Variants in WDR70 observed in about 807,000 individuals in gnomAD.
WDR70 encodes the protein WD repeat domain 70, also known as WD repeat-containing protein 70.
In WDR70, 53 loss-of-function variants were observed where a neutral mutation model predicts 88.6. The ratio of observed to expected loss-of-function variants is 0.60; its 90% CI spans 0.48 to 0.75. The LOEUF is 0.75. Ranked by LOEUF, WDR70 falls within the 30% of genes least tolerant of loss-of-function variation. The pLI is 0.00. For synonymous variants in WDR70, 280 were observed against 270.0 expected, an observed-to-expected ratio of 1.04 and a Z score of -0.36; for missense variants, 610 against 823.2, an observed-to-expected ratio of 0.74 and a Z score of 3.17.
chr5:37,523,701 G>A (rs1741169975), intron 9 of WDR70, among the ~76,000 whole-genome samples: 1 of 152,138 alleles, frequency 6.6e-6, no homozygotes, highest in Non-Finnish European at 1.5e-5. Context: ...GAGGAAGTTC[G>A]AACTCACCGC....
chr5:37,566,911 A>G (rs948684843), intron 9 of WDR70, among the ~76,000 whole-genome samples: 6 of 152,170 alleles, frequency 3.9e-5, no homozygotes, highest in Non-Finnish European at 8.8e-5. Flanking sequence ...TCATCCTAAG[A>G]GTGTTATTAG....
At chr5:37,727,402 G>A (rs113380111) in intron 17 of WDR70, among the ~76,000 whole-genome samples, 5 of 152,236 alleles carry the variant, frequency 3.3e-5, no homozygotes, top group African/African-American at 1.2e-4. Flanking sequence ...CTGTTATTAT[G>A]AACTCACTTT....
intron 17 of WDR70, among the ~76,000 whole-genome samples, chr5:37,737,601 AG>A (rs753819072): frequency 3.3e-5 from 5 of 152,158 alleles, no homozygotes; most frequent in African/African-American, 4.8e-5. Context: ...ACCAATGCCA[AG>A]CTTTCGTGCA....
chr5:37,544,445 G>T (rs1372341417), intron 9 of WDR70, among the ~76,000 whole-genome samples: 1 of 152,176 alleles, frequency 6.6e-6, no homozygotes, highest in Non-Finnish European at 1.5e-5. Flanking sequence ...AATGAAGATT[G>T]TCACTAGTAA....
intron 13 of WDR70, among the ~76,000 whole-genome samples, chr5:37,708,873 C>T (rs2112673476): frequency 6.6e-6 from 1 of 152,292 alleles, no homozygotes; most frequent in Non-Finnish European, 1.5e-5. Flanking sequence ...ATTAATGATA[C>T]TATGCCTGTG....
chr5:37,452,808 A>C (rs1738715396), intron 7 of WDR70, among the ~76,000 whole-genome samples: 2 of 152,234 alleles, frequency 1.3e-5, no homozygotes, highest in South Asian at 4.1e-4. Context: ...CTGAGATCCA[A>C]GAGGCAGCAT....
intron 9 of WDR70, among the ~76,000 whole-genome samples, chr5:37,555,308 T>G (rs537225765): frequency 6.6e-6 from 1 of 152,330 alleles, no homozygotes; most frequent in East Asian, 1.9e-4. Flanking sequence ...ATGAATTCTA[T>G]CTTATCCCCA....
intron 3 of WDR70, among the ~76,000 whole-genome samples, chr5:37,382,718 A>G (rs1748469016): frequency 6.6e-6 from 1 of 152,048 alleles, no homozygotes; most frequent in South Asian, 2.1e-4. Flanking sequence ...TTATCATTTT[A>G]AGACCAACAA....
intron 10 of WDR70, among the ~76,000 whole-genome samples, chr5:37,685,944 G>C (rs559847847): frequency 1.1e-3 from 164 of 152,170 alleles, no homozygotes; most frequent in Non-Finnish European, 1.7e-3. Context: ...CTGTCTACTC[G>C]CAGTGTCTTC....
chr5:37,720,488 A>C (rs4582305), intron 13 of WDR70, among the ~76,000 whole-genome samples: 1 of 152,078 alleles, frequency 6.6e-6, no homozygotes, highest in African/African-American at 2.4e-5. Flanking sequence ...TAATGAATTC[A>C]TAGGATCATA....
intron 17 of WDR70, among the ~76,000 whole-genome samples, chr5:37,750,587 T>A (rs1415848742): frequency 6.6e-6 from 1 of 152,160 alleles, no homozygotes; most frequent in Admixed American, 6.5e-5. Flanking sequence ...TCATCTTGAA[T>A]TGTAGCTCCC....
At chr5:37,381,510 C>G (rs1748422815) in intron 2 of WDR70, 92 bp from the exon 3 acceptor site, 1 of 992,590 alleles carries the variant, frequency 1.0e-6, no homozygotes, top group Non-Finnish European at 1.6e-6. Flanking sequence ...ATAAACTAGA[C>G]AAAGTAAGTG....
At chr5:37,526,353 C>T (rs1741271922) in intron 9 of WDR70, among the ~76,000 whole-genome samples, 1 of 152,136 alleles carries the variant, frequency 6.6e-6, no homozygotes. Context: ...AAACGTAATC[C>T]ATCATATAAA....
In WDR70 at chr5:37,640,471, A is replaced by G. The variant is rs535804057; in HGVS notation, c.1092+35233A>G. ...TGTGTGTGGTTTTTTTCATTGAGAGAATGATGGAGTTAAAAATAATCACAA... is the reference window on the plus strand; with the variant it reads ...TGTGTGTGGTTTTTTTCATTGAGAGGATGATGGAGTTAAAAATAATCACAA... On this transcript the variant is annotated intron_variant, in intron 10 of 17. Transcript: ENST00000265107. Among the ~76,000 whole-genome samples, 13 of 152,198 alleles carry G rather than the reference A, an allele frequency of 8.5e-5. No homozygotes were observed. The South Asian group carries it at 1.5e-3, about 17-fold the overall frequency.
chr5:37,425,961 G>GC (rs1750109584), intron 5 of WDR70, among the ~76,000 whole-genome samples: 1 of 152,150 alleles, frequency 6.6e-6, no homozygotes, highest in Non-Finnish European at 1.5e-5. Context: ...AGACATCCAG[G>GC]CAAAGCATCC....
intron 5 of WDR70, among the ~76,000 whole-genome samples, chr5:37,397,847 G>A (rs1749066479): frequency 6.6e-6 from 1 of 151,926 alleles, no homozygotes; most frequent in South Asian, 2.1e-4. Context: ...ACAAAAATTA[G>A]CCAGGCGTAA....
chr5:37,450,448 A>G (rs1332033462), intron 7 of WDR70, among the ~76,000 whole-genome samples: 53 of 152,172 alleles, frequency 3.5e-4, no homozygotes, highest in Admixed American at 3.5e-3. Context: ...CTCTACATCC[A>G]CGTTAACCTG....
At chr5:37,395,003 G>A in intron 4 of WDR70, among the ~76,000 whole-genome samples, 1 of 152,152 alleles carries the variant, frequency 6.6e-6, no homozygotes, top group East Asian at 1.9e-4. Context: ...CCTGTTATAG[G>A]TGAAGCATTT....
At chr5:37,475,735 A>G (rs948046190) in intron 7 of WDR70, among the ~76,000 whole-genome samples, 2 of 151,920 alleles carry the variant, frequency 1.3e-5, no homozygotes, top group Non-Finnish European at 2.9e-5. Flanking sequence ...TAAGTTAGTT[A>G]TATTTAATTA....
Sources: allele counts gnomAD v4.1 joint callset (sites outside exome capture counted in the v4.1 genomes callset), GRCh38; gene constraint gnomAD v4.1.1; transcripts MANE v1.5; gene names NCBI Gene and HGNC (gene_info 2026-07-23, HGNC 2026-07-21).